PALM: variants seen among roughly 807,000 people sequenced by gnomAD.
The protein encoded by PALM is paralemmin, also known as paralemmin-1.
PALM carries 18 observed loss-of-function variants against 30.7 expected under a neutral mutation model. That is an observed-to-expected ratio of 0.59 (90% confidence interval 0.41 to 0.87). The LOEUF (loss-of-function observed/expected upper bound fraction) is 0.87. PALM is among the 40% of genes least tolerant of loss of function. PALM has a pLI of 0.00. For synonymous variants in PALM, 286 were observed against 242.8 expected (o/e 1.18, Z -1.66); for missense variants, 529 against 555.4 (o/e 0.95, Z 0.48).
chr19:728,898 T>G (rs912044015), intron 4 of PALM, among the ~76,000 whole-genome samples: 7 of 151,886 alleles, frequency 4.6e-5, no homozygotes, highest in African/African-American at 1.7e-4. Flanking sequence ...CAGCTACTCA[T>G]GAGACTGAGG....
Position 747,460 on chromosome 19 carries a change from CG to C in PALM, c.*650del. ...ATGGAGTCTGGGGGAGGGGGAACCCCGGGGACATGCCCCCACCCGGGAGGGG... is the reference window on the plus strand; with the variant it reads ...ATGGAGTCTGGGGGAGGGGGAACCCCGGGACATGCCCCCACCCGGGAGGGG... On this transcript the variant is annotated 3_prime_UTR_variant, in exon 9 of 9. Coordinates refer to ENST00000338448, the MANE Select transcript of PALM (RefSeq NM_002579.3). 2 of 153,104 alleles carry C rather than the reference CG, an allele frequency of 1.3e-5. No individual in the cohort carries two copies. The highest frequency in any genetic ancestry group is 1.9e-4 in the East Asian group (1 of 5,146). 9.5% of individuals were successfully genotyped at this position (153,104 alleles called of 1,614,324 possible). A position where few individuals can be genotyped will look rare whatever the true frequency, so the allele number is the denominator to read the frequency against.
intron 4 of PALM, among the ~76,000 whole-genome samples, chr19:728,738 T>G (rs1210338289): frequency 8.6e-5 from 13 of 151,828 alleles, no homozygotes; most frequent in Non-Finnish European, 1.5e-4. Flanking sequence ...GCGCGGTGGC[T>G]CAAGCCTGTA....
In PALM at chr19:740,209, G is replaced by GTGCCCAGGCA. The variant is rs1407755927; in HGVS notation, c.503-141_503-132dup. On this transcript the variant is annotated intron_variant, in intron 7 of 8. Coordinates refer to ENST00000338448, the MANE Select transcript of PALM (RefSeq NM_002579.3). The stretch of plus-strand genomic sequence containing the variant: ...AGTTGGGGAGGGCCGCGTCGAGAAG[G>GTGCCCAGGCA]TGCCCAGGCATCCCCGGCTCCGCCT... The GTGCCCAGGCA allele has an allele frequency of 2.3e-4, 175 of 764,730 alleles. 1 individual carries two copies. Among genetic ancestry groups the GTGCCCAGGCA allele is most frequent in the Non-Finnish European group, 3.2e-4 (154 of 478,928 alleles). 47.4% of individuals were successfully genotyped at this position (764,730 alleles called of 1,614,324 possible). A position where few individuals can be genotyped will look rare whatever the true frequency, so the allele number is the denominator to read the frequency against.
Position 740,499 on chromosome 19 carries a change from C to T in PALM, c.634+16C>T. ...GAGACCAAAGGTACGAGCACCCCGGCCCCTGCCCTCCCTCCACCTGGGCCA... is the reference window on the plus strand; with the variant it reads ...GAGACCAAAGGTACGAGCACCCCGGTCCCTGCCCTCCCTCCACCTGGGCCA... On this transcript the variant is annotated intron_variant, in intron 8 of 8. Coordinates refer to ENST00000338448, the MANE Select transcript of PALM (RefSeq NM_002579.3). 6.5e-7 allele frequency: 1 copy of T among 1,544,104 alleles called. No individual in the cohort carries two copies. The highest frequency in any genetic ancestry group is 8.8e-7 in the Non-Finnish European group (1 of 1,142,366).
intron 4 of PALM, among the ~76,000 whole-genome samples, chr19:729,528 C>T (rs549521816): frequency 2.9e-5 from 4 of 138,800 alleles, no homozygotes; most frequent in South Asian, 2.4e-4. Flanking sequence ...TGCGGTGGCG[C>T]GATCTCAGCT....
intron 8 of PALM, among the ~76,000 whole-genome samples, chr19:745,987 G>C (rs1457749496): frequency 6.6e-6 from 1 of 152,192 alleles, no homozygotes; most frequent in Non-Finnish European, 1.5e-5. Context: ...GAACCCGGGA[G>C]GTGGAGCTTG....
Position 746,179 on chromosome 19 carries a change from A to G in PALM, c.635-106A>G. The G allele has an allele frequency of 1.3e-6, 1 of 774,134 alleles. No individual in the cohort carries two copies. Among genetic ancestry groups the G allele is most frequent in the Non-Finnish European group, 2.2e-6 (1 of 464,108 alleles). 48.0% of individuals were successfully genotyped at this position (774,134 alleles called of 1,614,324 possible). A position where few individuals can be genotyped will look rare whatever the true frequency, so the allele number is the denominator to read the frequency against. ...GTTCGTGATTTCCTCTTTAGCCTGG[A>G]GGAGGATACAAGCCTTGCCAAGGTT... On this transcript the variant is annotated intron_variant, in intron 8 of 8. Transcript: ENST00000338448. The surrounding 1 kb of genome is among the most constrained non-coding windows in gnomAD (Gnocchi z 7.1).
At chr19:729,620 G>A (rs1186560450) in intron 4 of PALM, among the ~76,000 whole-genome samples, 1 of 151,580 alleles carries the variant, frequency 6.6e-6, no homozygotes, top group Non-Finnish European at 1.5e-5. Context: ...TGCCCGCCAC[G>A]CCTGGCTAAT....
intron 4 of PALM, among the ~76,000 whole-genome samples, chr19:728,121 T>C (rs1005073674): frequency 2.0e-5 from 3 of 152,052 alleles, no homozygotes; most frequent in African/African-American, 7.2e-5. Flanking sequence ...GGGCAAGCGC[T>C]CCCATGGTTC....
chr19:734,288 G>T lies in PALM; in HGVS notation c.442+94G>T, dbSNP rs769866051. 1.6e-5 allele frequency: 19 copies of T among 1,216,340 alleles called. No individual in the cohort carries two copies. In the Admixed American group the frequency reaches 3.4e-4, roughly 22 times the overall value. The allele number at this position is 1,216,340 out of a possible 1,614,324, so 75.3% of individuals were successfully genotyped here. A position where few individuals can be genotyped will look rare whatever the true frequency, so the allele number is the denominator to read the frequency against. On this transcript the variant is annotated intron_variant, in intron 6 of 8. Transcript: ENST00000338448. Reference sequence around the variant, plus strand: ...GGGGAGTGAAGCTACAAAGTTGCTCGGTGCCTCACGCCTGTGATCCCAGCA... The same window carrying T: ...GGGGAGTGAAGCTACAAAGTTGCTCTGTGCCTCACGCCTGTGATCCCAGCA...
In PALM at chr19:727,559, C is replaced by T. The variant is rs1212618017; in HGVS notation, c.139-5C>T. The T allele has an allele frequency of 8.2e-6, 13 of 1,585,516 alleles. No homozygotes were observed. The highest frequency in any genetic ancestry group is 1.1e-5 in the Non-Finnish European group (13 of 1,166,292). On this transcript the variant is annotated splice_region_variant and splice_polypyrimidine_tract_variant and intron_variant, in intron 3 of 8. Transcript: ENST00000338448. The stretch of plus-strand genomic sequence containing the variant: ...ACGACTCTGACCTGGATCCCTGCTG[C>T]TCAGTCCAAGGCACTGCGGGAGCGC...
chr19:744,513 AAATGAATGAAACTTTAACTCAAGTTAG>A (rs1262729867), intron 8 of PALM, among the ~76,000 whole-genome samples: 1 of 152,222 alleles, frequency 6.6e-6, no homozygotes, highest in Admixed American at 6.6e-5. Flanking sequence ...AAACAAAAAT[AAATGAATGAAACTTTAACTCAAGTTAG>A]AATGAATGAA....
At chr19:724,273 C>T (rs937842484) in intron 1 of PALM, among the ~76,000 whole-genome samples, 8 of 152,072 alleles carry the variant, frequency 5.3e-5, no homozygotes, top group Admixed American at 1.3e-4. Context: ...GCCTGAAGCC[C>T]GGTCCCTTCA....
At chr19:710,135 A>G (rs139281433) in intron 1 of PALM, among the ~76,000 whole-genome samples, 1 of 151,842 alleles carries the variant, frequency 6.6e-6, no homozygotes, top group Non-Finnish European at 1.5e-5. Context: ...CAGCCCGAGG[A>G]CCGAAGACCG....
At chr19:726,049 A>T in intron 1 of PALM, 89 bp from the exon 2 acceptor site, 1 of 1,007,220 alleles carries the variant, frequency 9.9e-7, no homozygotes, top group South Asian at 1.3e-5. Flanking sequence ...GGTTACCCCT[A>T]GGGGAAGAGG....
chr19:716,823 C>T (rs948708481), intron 1 of PALM, among the ~76,000 whole-genome samples: 7 of 152,134 alleles, frequency 4.6e-5, no homozygotes, highest in Non-Finnish European at 8.8e-5. Flanking sequence ...TGTATACACA[C>T]GTCTGTATGT....
chr19:709,575 G>A lies in PALM; in HGVS notation c.5+424G>A, dbSNP rs2032001674. Among the ~76,000 whole-genome samples, 1 of 140,894 alleles carries A rather than the reference G, an allele frequency of 7.1e-6. No individual in the cohort carries two copies. Among genetic ancestry groups the A allele is most frequent in the Non-Finnish European group, 1.6e-5 (1 of 64,102 alleles). The allele number at this position is 140,894 out of a possible 152,430, so 92.4% of individuals were successfully genotyped here. A position where few individuals can be genotyped will look rare whatever the true frequency, so the allele number is the denominator to read the frequency against. On this transcript the variant is annotated intron_variant, in intron 1 of 8. Transcript: ENST00000338448. The surrounding 1 kb of genome is among the most constrained non-coding windows in gnomAD (Gnocchi z 4.3). ...CCTCGCGCTCACGCACCCTTCCCCC[G>A]CCCCAGTCTGAGCGCACGGCTCCTG...
chr19:723,129 G>C (rs1045214402), intron 1 of PALM, among the ~76,000 whole-genome samples: 3 of 152,150 alleles, frequency 2.0e-5, no homozygotes, highest in Admixed American at 1.3e-4. Flanking sequence ...CTGCTGAACT[G>C]GGGGAGGGGA....
intron 8 of PALM, among the ~76,000 whole-genome samples, chr19:744,444 A>AG (rs1218314200): frequency 6.6e-6 from 1 of 152,036 alleles, no homozygotes; most frequent in Non-Finnish European, 1.5e-5. Flanking sequence ...TCTAACTCGT[A>AG]GGACACAGCC....
Sources: gnomAD v4.1 joint callset for allele counts (sites outside exome capture counted in the v4.1 genomes callset) on GRCh38, gnomAD v4.1.1 for gene constraint, Gnocchi (gnomAD v3.1) non-coding constraint, MANE v1.5 for transcripts, NCBI Gene and HGNC (gene_info 2026-07-23, HGNC 2026-07-21) for gene names.